SORL1: variants seen among roughly 807,000 people sequenced by gnomAD.
The protein encoded by SORL1 is sortilin-related receptor.
In SORL1, 127 loss-of-function variants were observed where a neutral mutation model predicts 273.7. The observed-to-expected ratio is 0.46, with a 90% CI of 0.40 to 0.54. SORL1 has a LOEUF of 0.54. Ranked by LOEUF, SORL1 falls within the 20% of genes least tolerant of loss-of-function variation. The pLI is 0.00. For missense variants in SORL1, 2,494 were observed against 2,846.1 expected (o/e 0.88, Z 2.81); for synonymous variants, 1,031 against 1,067.4 (o/e 0.97, Z 0.66).
chr11:121,561,712 G>A (rs1862679218), intron 21 of SORL1, among the ~76,000 whole-genome samples: 2 of 145,716 alleles, frequency 1.4e-5, no homozygotes, highest in Admixed American at 1.4e-4. Flanking sequence ...AAAAAAGGCT[G>A]GGGGAGATCT....
chr11:121,545,579 A>G, intron 14 of SORL1, 150 bp downstream of exon 14: 1 of 743,862 alleles, frequency 1.3e-6, no homozygotes, highest in East Asian at 2.7e-5. Context: ...TGTGCCAGGA[A>G]CTGTGCTAAG....
intron 26 of SORL1, 56 bp downstream of exon 26, chr11:121,583,639 G>A (rs890013572): frequency 1.9e-6 from 3 of 1,541,354 alleles, no homozygotes; most frequent in Non-Finnish European, 1.8e-6. Flanking sequence ...TGCTGTTCAG[G>A]AAGAGAGGCC....
intron 1 of SORL1, among the ~76,000 whole-genome samples, chr11:121,454,400 T>C (rs1039523551): frequency 5.9e-5 from 9 of 152,204 alleles, no homozygotes; most frequent in South Asian, 2.1e-4. Context: ...CTTTCTTGGG[T>C]TTGGTTTATG....
chr11:121,508,871 A>C (rs769096304), intron 6 of SORL1, among the ~76,000 whole-genome samples: 7 of 152,098 alleles, frequency 4.6e-5, no homozygotes, highest in Non-Finnish European at 8.8e-5. Context: ...GCTTTTATGG[A>C]TAAGTATATT....
chr11:121,538,923 C>T (rs1000763438), intron 12 of SORL1, among the ~76,000 whole-genome samples: 8 of 152,134 alleles, frequency 5.3e-5, no homozygotes, highest in Non-Finnish European at 7.4e-5. Flanking sequence ...GTGACCCGCC[C>T]GCCTCAGCCT....
chr11:121,465,124 G>A (rs777535707), intron 1 of SORL1, among the ~76,000 whole-genome samples: 1 of 152,004 alleles, frequency 6.6e-6, no homozygotes, highest in Non-Finnish European at 1.5e-5. Context: ...CATTTCCATC[G>A]CTCTGAAATA....
chr11:121,473,289 G>A (rs1241112847), intron 2 of SORL1, among the ~76,000 whole-genome samples: 2 of 152,174 alleles, frequency 1.3e-5, no homozygotes, highest in African/African-American at 4.8e-5. Context: ...TGCATATTCA[G>A]TATCTAAAAA....
At chr11:121,488,243 C>T in intron 4 of SORL1, 50 bp downstream of exon 4, 1 of 1,585,604 alleles carries the variant, frequency 6.3e-7, no homozygotes, top group Non-Finnish European at 8.6e-7. Flanking sequence ...TAGTTTTCTC[C>T]TCTGCCTGTG....
chr11:121,549,414 A>G (rs1388357379), intron 14 of SORL1, among the ~76,000 whole-genome samples: 1 of 151,952 alleles, frequency 6.6e-6, no homozygotes, highest in Non-Finnish European at 1.5e-5. Context: ...TTTTGTAGAG[A>G]CAGGGTCTTA....
intron 45 of SORL1, 143 bp from the exon 46 acceptor site, chr11:121,624,942 G>A (rs1013088838): frequency 7.2e-6 from 4 of 553,974 alleles, no homozygotes; most frequent in Non-Finnish European, 1.3e-5. Flanking sequence ...CAGTGGTAAT[G>A]TAAAAAGAAC....
chr11:121,612,865 G>A, intron 40 of SORL1, 33 bp downstream of exon 40: 1 of 1,503,774 alleles, frequency 6.6e-7, no homozygotes, highest in Non-Finnish European at 9.2e-7. Context: ...TGTGTGTGCA[G>A]GAAGGGGTAA....
chr11:121,620,623 T>C (rs867807304), intron 43 of SORL1, among the ~76,000 whole-genome samples: 294 of 152,264 alleles, frequency 1.9e-3, no homozygotes, highest in African/African-American at 6.8e-3. Flanking sequence ...CTTGCCCCCC[T>C]ATACCCAGAA....
chr11:121,601,589 T>TG (rs1434743636), intron 32 of SORL1, among the ~76,000 whole-genome samples: 2 of 151,192 alleles, frequency 1.3e-5, no homozygotes, highest in African/African-American at 2.4e-5. Flanking sequence ...GATTGTTTTT[T>TG]TTTTTTTTTT....
intron 45 of SORL1, 95 bp downstream of exon 45, chr11:121,622,363 T>TAAA (rs11454566): frequency 2.8e-5 from 12 of 431,616 alleles, no homozygotes; most frequent in South Asian, 2.4e-4. Context: ...ATAGATAGTG[T>TAAA]AAAAAAAAAG....
At chr11:121,519,704 C>G (rs531896318) in intron 8 of SORL1, among the ~76,000 whole-genome samples, 8 of 152,282 alleles carry the variant, frequency 5.3e-5, no homozygotes, top group Admixed American at 2.0e-4. Context: ...TAACCCTGAG[C>G]TAGGTTCCTA....
intron 3 of SORL1, among the ~76,000 whole-genome samples, chr11:121,484,636 A>G (rs368662883): frequency 3.9e-5 from 6 of 152,102 alleles, no homozygotes; most frequent in East Asian, 1.9e-4. Flanking sequence ...GAAGAACTCA[A>G]GTTTTGCGTA....
At position 121,612,849 on chromosome 11, in the gene SORL1, G is replaced by C. The variant is rs1459808759; in HGVS notation, c.5419+17G>C. On this transcript the variant is annotated intron_variant, in intron 40 of 47. Coordinates refer to ENST00000260197, the MANE Select transcript of SORL1 (RefSeq NM_003105.6). ...CACACAAAGGTAACACTTTGGTGCTGGTCAGTGTGTGTGCAGGAAGGGGTA... is the reference window on the plus strand; with the variant it reads ...CACACAAAGGTAACACTTTGGTGCTCGTCAGTGTGTGTGCAGGAAGGGGTA... 1 of 1,576,614 alleles carries C rather than the reference G, an allele frequency of 6.3e-7. No homozygotes were observed. Among genetic ancestry groups the C allele is most frequent in the African/African-American group, 1.3e-5 (1 of 74,200 alleles).
chr11:121,564,095 G>A (rs1862718340), intron 21 of SORL1, among the ~76,000 whole-genome samples: 1 of 152,196 alleles, frequency 6.6e-6, no homozygotes, highest in African/African-American at 2.4e-5. Flanking sequence ...CTTTGAAGAT[G>A]ATTGTCCACT....
chr11:121,602,019 T>G (rs1269045668), intron 32 of SORL1, among the ~76,000 whole-genome samples: 3 of 152,238 alleles, frequency 2.0e-5, no homozygotes, highest in Admixed American at 1.3e-4. Flanking sequence ...TCATCTGTTT[T>G]ACATATCCCC....
Sources: allele counts gnomAD v4.1 joint callset (sites outside exome capture counted in the v4.1 genomes callset), GRCh38; gene constraint gnomAD v4.1.1; transcripts MANE v1.5; gene names NCBI Gene and HGNC (gene_info 2026-07-23, HGNC 2026-07-21).